Variants in SPAG16 observed in about 807,000 individuals in gnomAD.
The protein encoded by SPAG16 is sperm-associated antigen 16 protein.
Under a neutral mutation model 80.4 loss-of-function variants are expected in SPAG16, and 86 were observed. The ratio of observed to expected loss-of-function variants is 1.07; its 90% CI spans 0.90 to 1.28. The LOEUF (loss-of-function observed/expected upper bound fraction) is 1.28. Among genes scored for constraint, SPAG16 ranks in the 50% most tolerant of loss-of-function variants. The pLI is 0.00. For synonymous variants in SPAG16, 294 were observed against 265.9 expected (o/e 1.11, Z -1.03); for missense variants, 870 against 765.3 (o/e 1.14, Z -1.61).
At chr2:214,390,659 T>G (rs1384738259) in intron 15 of SPAG16, among the ~76,000 whole-genome samples, 1 of 151,978 alleles carries the variant, frequency 6.6e-6, no homozygotes, top group Non-Finnish European at 1.5e-5. Context: ...ACACTCCCAA[T>G]GGAGTGGGAG....
At chr2:214,275,485 A>C (rs1384231915) in intron 15 of SPAG16, among the ~76,000 whole-genome samples, 2 of 152,220 alleles carry the variant, frequency 1.3e-5, no homozygotes, top group African/African-American at 2.4e-5. Flanking sequence ...AGATTCTGGT[A>C]CATTGTGTCT....
At chr2:213,897,787 G>C (rs866572095) in intron 11 of SPAG16, among the ~76,000 whole-genome samples, 1 of 152,118 alleles carries the variant, frequency 6.6e-6, no homozygotes, top group Non-Finnish European at 1.5e-5. Flanking sequence ...CTTACTTAGA[G>C]TGATTGCCCA....
intron 15 of SPAG16, among the ~76,000 whole-genome samples, chr2:214,236,120 T>C (rs75346794): frequency 0.018 from 2,796 of 152,268 alleles, 61 homozygotes; most frequent in East Asian, 0.071. Flanking sequence ...GACTATATTA[T>C]TGTGTAAATA....
intron 11 of SPAG16, among the ~76,000 whole-genome samples, chr2:213,871,207 T>C (rs1414807213): frequency 6.6e-6 from 1 of 151,998 alleles, no homozygotes; most frequent in Non-Finnish European, 1.5e-5. Context: ...TAAATTTCAG[T>C]CAAAACCCAA....
rs567108006 is a variant in SPAG16, at chr2:214,323,877, A to G, written c.1721-86263A>G. 3.6e-4 allele frequency among the ~76,000 whole-genome samples: 55 copies of G among 152,366 alleles called. No individual in the cohort carries two copies. In the South Asian group the frequency reaches 0.011, roughly 31 times the overall value. On this transcript the variant is annotated intron_variant, in intron 15 of 15. Transcript: ENST00000331683. Reference sequence around the variant, plus strand: ...TTACTTCCAATTTTATAAGAAAGGTAAGAAACATTATATGTAAAGAAAGCT... The same window carrying G: ...TTACTTCCAATTTTATAAGAAAGGTGAGAAACATTATATGTAAAGAAAGCT...
intron 10 of SPAG16, among the ~76,000 whole-genome samples, chr2:213,510,018 A>G (rs1460862632): frequency 6.6e-6 from 1 of 152,046 alleles, no homozygotes; most frequent in East Asian, 1.9e-4. Context: ...ACAAACTACC[A>G]TCAGAGAATA....
intron 10 of SPAG16, among the ~76,000 whole-genome samples, chr2:213,519,072 G>A (rs1396425138): frequency 6.6e-6 from 1 of 152,154 alleles, no homozygotes; most frequent in Non-Finnish European, 1.5e-5. Context: ...GACTACCGGT[G>A]GGGGGTTAGG....
intron 10 of SPAG16, among the ~76,000 whole-genome samples, chr2:213,793,206 A>G (rs1221878255): frequency 2.7e-5 from 4 of 150,350 alleles, no homozygotes; most frequent in African/African-American, 7.3e-5. Context: ...GGGATTACAG[A>G]TGTGAGCCAC....
At chr2:213,953,880 C>T (rs1010805584) in intron 12 of SPAG16, among the ~76,000 whole-genome samples, 3 of 151,598 alleles carry the variant, frequency 2.0e-5, no homozygotes, top group South Asian at 2.1e-4. Flanking sequence ...GAAGAAAAGG[C>T]GATGTAATGA....
intron 15 of SPAG16, among the ~76,000 whole-genome samples, chr2:214,158,361 T>G (rs1341443370): frequency 6.6e-6 from 1 of 152,024 alleles, no homozygotes; most frequent in Admixed American, 6.6e-5. Context: ...TAAAATTTGA[T>G]ATAAAAATAT....
chr2:214,046,609 G>C (rs1476920787), intron 13 of SPAG16, among the ~76,000 whole-genome samples: 2 of 152,120 alleles, frequency 1.3e-5, no homozygotes, highest in Non-Finnish European at 2.9e-5. Flanking sequence ...AAAACTGAAA[G>C]CTTTTCCTCT....
At chr2:214,066,094 T>C (rs1190957944) in intron 13 of SPAG16, among the ~76,000 whole-genome samples, 1 of 152,188 alleles carries the variant, frequency 6.6e-6, no homozygotes, top group African/African-American at 2.4e-5. Flanking sequence ...ACTATCACCA[T>C]ATTTATCTTC....
At chr2:214,075,366 A>G (rs1030468522) in intron 13 of SPAG16, among the ~76,000 whole-genome samples, 1 of 152,134 alleles carries the variant, frequency 6.6e-6, no homozygotes, top group Admixed American at 6.6e-5. Flanking sequence ...GTACATAATT[A>G]ATACCATTTA....
At chr2:214,061,415 G>C (rs1390898208) in intron 13 of SPAG16, among the ~76,000 whole-genome samples, 1 of 152,192 alleles carries the variant, frequency 6.6e-6, no homozygotes. Context: ...ATGCATGCGT[G>C]TGTATACATA....
Position 214,329,179 on chromosome 2 carries a change from C to T in SPAG16, c.1721-80961C>T, listed in dbSNP as rs72952050. Among the ~76,000 whole-genome samples, 414 of 152,348 alleles carry T rather than the reference C, an allele frequency of 2.7e-3. 2 individuals are homozygous for T. Among genetic ancestry groups the T allele is most frequent in the Non-Finnish European group, 4.9e-3 (330 of 68,030 alleles). On this transcript the variant is annotated intron_variant, in intron 15 of 15. Coordinates refer to ENST00000331683, the MANE Select transcript of SPAG16 (RefSeq NM_024532.5). ...AAGCTGTCTTTGAAGCTGGGGATGG[C>T]TCCATCTCAAATCAGCTCTGTGGGG...
intron 10 of SPAG16, among the ~76,000 whole-genome samples, chr2:213,532,936 C>T (rs2076121688): frequency 1.3e-5 from 2 of 152,034 alleles, no homozygotes; most frequent in Admixed American, 1.3e-4. Context: ...ATATTAAATA[C>T]TTTATATAAG....
chr2:213,675,954 T>G (rs1161262227), intron 10 of SPAG16, among the ~76,000 whole-genome samples: 5 of 152,172 alleles, frequency 3.3e-5, no homozygotes, highest in African/African-American at 1.2e-4. Context: ...GGGATGGCAT[T>G]GAATCTATAA....
At chr2:213,955,919 T>G (rs1229788034) in intron 12 of SPAG16, among the ~76,000 whole-genome samples, 1 of 151,958 alleles carries the variant, frequency 6.6e-6, no homozygotes, top group Non-Finnish European at 1.5e-5. Flanking sequence ...TTGTCAATTT[T>G]GTTGAACTTT....
At chr2:213,370,807 C>T (rs1186379147) in intron 8 of SPAG16, among the ~76,000 whole-genome samples, 1 of 152,140 alleles carries the variant, frequency 6.6e-6, no homozygotes, top group Non-Finnish European at 1.5e-5. Flanking sequence ...GTGATGTTTA[C>T]AATGTACTTT....
Sources: allele counts gnomAD v4.1 joint callset (sites outside exome capture counted in the v4.1 genomes callset), GRCh38; gene constraint gnomAD v4.1.1; transcripts MANE v1.5; gene names NCBI Gene and HGNC (gene_info 2026-07-23, HGNC 2026-07-21).